PTPN4: variants seen among roughly 807,000 people sequenced by gnomAD.
PTPN4 encodes tyrosine-protein phosphatase non-receptor type 4.
PTPN4 carries 49 observed loss-of-function variants against 135.5 expected under a neutral mutation model. That is an observed-to-expected ratio of 0.36 (90% confidence interval 0.29 to 0.46). The LOEUF (loss-of-function observed/expected upper bound fraction) is 0.46, where lower values mean the gene tolerates loss of function less well. Ranked by LOEUF, PTPN4 falls within the 20% of genes least tolerant of loss-of-function variation. The probability of loss-of-function intolerance (pLI) is 1.00; values close to 1 mark genes in which losing one functional copy is unlikely to be tolerated. For missense variants in PTPN4, 860 were observed against 1,101.0 expected, an observed-to-expected ratio of 0.78 and a Z score of 3.10; for synonymous variants, 333 against 369.9, an observed-to-expected ratio of 0.90 and a Z score of 1.14.
At chr2:119,773,478 C>T (rs575264498) in intron 1 of PTPN4, among the ~76,000 whole-genome samples, 1 of 152,224 alleles carries the variant, frequency 6.6e-6, no homozygotes, top group East Asian at 1.9e-4. Context: ...TGGCTCATGC[C>T]TGTAATCCCA....
At chr2:119,812,399 T>C (rs1183892195) in intron 2 of PTPN4, among the ~76,000 whole-genome samples, 1 of 152,228 alleles carries the variant, frequency 6.6e-6, no homozygotes, top group Non-Finnish European at 1.5e-5. Context: ...GTCATTGCTT[T>C]TCATGAAAGA....
intron 10 of PTPN4, among the ~76,000 whole-genome samples, chr2:119,911,730 A>AAT (rs1229399930): frequency 2.6e-5 from 4 of 152,162 alleles, no homozygotes; most frequent in South Asian, 4.1e-4. Context: ...TGTAGATAAG[A>AAT]ATATATATAT....
chr2:119,945,244 A>G lies in PTPN4; in HGVS notation c.1515+4A>G. 6.5e-7 allele frequency: 1 copy of G among 1,529,048 alleles called. No homozygotes were observed. Among genetic ancestry groups the G allele is most frequent in the Non-Finnish European group, 8.8e-7 (1 of 1,141,156 alleles). 94.7% of individuals were successfully genotyped at this position (1,529,048 alleles called of 1,614,324 possible). A position where few individuals can be genotyped will look rare whatever the true frequency, so the allele number is the denominator to read the frequency against. ...ATCTTCTCCTGAAAAACCCACTGTAAGTAGCTTCTTCAGATATTCTCATTT... is the reference window on the plus strand; with the variant it reads ...ATCTTCTCCTGAAAAACCCACTGTAGGTAGCTTCTTCAGATATTCTCATTT... On this transcript the variant is annotated splice_donor_region_variant and intron_variant, in intron 16 of 26. Transcript: ENST00000263708.
chr2:119,956,714 A>T (rs1195041910), intron 20 of PTPN4, 130 bp from the exon 21 acceptor site: 7 of 1,457,076 alleles, frequency 4.8e-6, no homozygotes, highest in Non-Finnish European at 6.4e-6. Context: ...ACTATGGTAT[A>T]TCATTGTATA....
chr2:119,843,263 C>A (rs1677409988), intron 2 of PTPN4, among the ~76,000 whole-genome samples: 1 of 131,866 alleles, frequency 7.6e-6, no homozygotes, highest in Non-Finnish European at 1.6e-5. Context: ...CCATTTAATC[C>A]TGAGTGGACA....
rs185314322 is a variant in PTPN4 at position 119,914,392 on chromosome 2, T to C, written c.765-787T>C. 5.3e-5 allele frequency among the ~76,000 whole-genome samples: 8 copies of C among 152,118 alleles called. No individual in the cohort carries two copies. The East Asian group carries it at 1.5e-3, about 29-fold the overall frequency. On this transcript the variant is annotated intron_variant, in intron 10 of 26. Transcript: ENST00000263708. ...CAAATCAGAAACCTAAACATGTCTC[T>C]TCTTCCCTATTCCAAACATGCATGC...
At chr2:119,825,256 G>A (rs994692513) in intron 2 of PTPN4, among the ~76,000 whole-genome samples, 24 of 152,018 alleles carry the variant, frequency 1.6e-4, no homozygotes, top group African/African-American at 4.1e-4. Context: ...TAATATTACC[G>A]TAATTTTACT....
rs1679263922 is a variant in PTPN4 at position 119,955,272 on chromosome 2, G to A, written c.1929G>A (p.Met643Ile). 6.2e-7 allele frequency: 1 copy of A among 1,613,598 alleles called. No homozygotes were observed. Among genetic ancestry groups the A allele is most frequent in the Non-Finnish European group, 8.5e-7 (1 of 1,179,786 alleles). ...ATGACCATTCCCTGCGGGAGTCAAT[G>A]ATCCAGCTAGCTGAGGGGCTTATCA... ...HQDDHSLRES[M>I]IQLAEGLITG... Residue 643 changes from methionine (M) to isoleucine (I), a missense_variant, in exon 20 of 27, where the codon ATG (methionine) becomes ATA (isoleucine). Around this residue, in one of 2 missense-constraint regions of PTPN4, gnomAD observed 684 missense variants for 807.0 expected, o/e 0.85. Coordinates refer to ENST00000263708, the MANE Select transcript of PTPN4 (RefSeq NM_002830.4).
At chr2:119,793,806 G>C (rs1433229485) in intron 1 of PTPN4, among the ~76,000 whole-genome samples, 1 of 145,022 alleles carries the variant, frequency 6.9e-6, no homozygotes, top group African/African-American at 2.6e-5. Context: ...TGCTTCTTAG[G>C]TGGTTTGACC....
intron 3 of PTPN4, among the ~76,000 whole-genome samples, chr2:119,868,740 G>T (rs922260900): frequency 4.6e-5 from 7 of 152,080 alleles, no homozygotes; most frequent in African/African-American, 1.7e-4. Context: ...CCATCCCTTC[G>T]TTTCCCATAA....
chr2:119,843,708 G>A (rs1333070534), intron 2 of PTPN4, among the ~76,000 whole-genome samples: 1 of 59,520 alleles, frequency 1.7e-5, no homozygotes, highest in African/African-American at 8.5e-5. Flanking sequence ...GGGCAGAGGC[G>A]CCCCTCACCT....
At chr2:119,879,824 A>G (rs1678044576) in intron 5 of PTPN4, among the ~76,000 whole-genome samples, 2 of 152,142 alleles carry the variant, frequency 1.3e-5, no homozygotes, top group South Asian at 4.1e-4. Context: ...TGTAAATAGT[A>G]TATTCCCAAT....
intron 2 of PTPN4, among the ~76,000 whole-genome samples, chr2:119,848,978 A>C (rs1249273343): frequency 6.6e-6 from 1 of 152,150 alleles, no homozygotes; most frequent in Non-Finnish European, 1.5e-5. Flanking sequence ...ATCTTTTTTC[A>C]GTTCAGATCT....
intron 3 of PTPN4, among the ~76,000 whole-genome samples, chr2:119,868,873 T>A (rs1376871715): frequency 2.0e-5 from 3 of 152,172 alleles, no homozygotes; most frequent in Non-Finnish European, 4.4e-5. Flanking sequence ...GACCCCTGAT[T>A]TCCCACTTCA....
rs1679220484 is a variant in PTPN4 at position 119,952,188 on chromosome 2, G to A, written c.1813+59G>A. On this transcript the variant is annotated intron_variant, in intron 19 of 26. Coordinates refer to ENST00000263708, the MANE Select transcript of PTPN4 (RefSeq NM_002830.4). The stretch of plus-strand genomic sequence containing the variant: ...GTAATTTATTACTGTTCATTACTGA[G>A]CACAGCAGCCAGATTTCTGACATAA... 16 of 1,434,902 alleles carry A rather than the reference G, an allele frequency of 1.1e-5. No homozygotes were observed. The South Asian group carries it at 2.0e-4, about 18-fold the overall frequency. The allele number at this position is 1,434,902 out of a possible 1,614,324, so 88.9% of individuals were successfully genotyped here.
intron 12 of PTPN4, among the ~76,000 whole-genome samples, 191 bp from the exon 13 acceptor site, chr2:119,926,407 G>A (rs1421068676): frequency 6.6e-6 from 1 of 152,172 alleles, no homozygotes; most frequent in East Asian, 1.9e-4. Context: ...TCATTAATGG[G>A]AGAAATGTAA....
chr2:119,891,471 C>T (rs986958734), intron 9 of PTPN4, among the ~76,000 whole-genome samples: 14 of 152,026 alleles, frequency 9.2e-5, no homozygotes, highest in South Asian at 2.1e-4. Context: ...TACTGGCGCA[C>T]GCCACCATGC....
At chr2:119,898,415 A>T (rs1220832204) in intron 9 of PTPN4, among the ~76,000 whole-genome samples, 2 of 152,142 alleles carry the variant, frequency 1.3e-5, no homozygotes, top group Non-Finnish European at 2.9e-5. Flanking sequence ...TAGGGAGGAG[A>T]GATTAAATGG....
intron 1 of PTPN4, chr2:119,771,465 C>A (rs1574324737): frequency 6.6e-6 from 1 of 152,218 alleles, no homozygotes; most frequent in East Asian, 1.9e-4. Flanking sequence ...TTCCTGTACT[C>A]CAATCTTGTA....
Sources: allele counts gnomAD v4.1 joint callset (sites outside exome capture counted in the v4.1 genomes callset), GRCh38; gene constraint gnomAD v4.1.1; regional missense constraint gnomAD v4.1.1; transcripts MANE v1.5; gene names NCBI Gene and HGNC (gene_info 2026-07-23, HGNC 2026-07-21).